Variants in HNF4A observed in about 807,000 individuals in gnomAD.
The protein encoded by HNF4A is hepatocyte nuclear factor 4 alpha, also known as hepatocyte nuclear factor 4-alpha.
Under a neutral mutation model 52.4 loss-of-function variants are expected in HNF4A, and 15 were observed. The observed-to-expected ratio is 0.29, with a 90% CI of 0.19 to 0.44. HNF4A has a LOEUF of 0.44. Among genes scored for constraint, HNF4A ranks in the 20% least tolerant of loss-of-function variants. The pLI is 1.00. For synonymous variants in HNF4A, 280 were observed against 264.4 expected (o/e 1.06, Z -0.57); for missense variants, 479 against 647.2 (o/e 0.74, Z 2.82).
At chr20:44,406,924 T>C (rs2063508616) in intron 2 of HNF4A, among the ~76,000 whole-genome samples, 1 of 152,182 alleles carries the variant, frequency 6.6e-6, no homozygotes, top group South Asian at 2.1e-4. Context: ...GAGCCAGGGT[T>C]AACATTCAGG....
chr20:44,424,665 CT>C (rs930379238), intron 8 of HNF4A: 2 of 1,291,646 alleles, frequency 1.5e-6, no homozygotes, highest in African/African-American at 3.0e-5. Context: ...AAGGAATCCT[CT>C]TTAGATAGGG....
At chr20:44,357,630 G>T (rs1600619040) in intron 1 of HNF4A, among the ~76,000 whole-genome samples, 1 of 152,062 alleles carries the variant, frequency 6.6e-6, no homozygotes, top group South Asian at 2.1e-4. Context: ...CTTCATCTCT[G>T]CTCCTGTGTC....
In HNF4A at chr20:44,406,225, TC is replaced by T; in HGVS notation, c.285del (p.Cys96AlafsTer30). The T allele has an allele frequency of 6.2e-7, 1 of 1,613,292 alleles. No homozygotes were observed. Among genetic ancestry groups the T allele is most frequent in the Non-Finnish European group, 8.5e-7 (1 of 1,179,892 alleles). On this transcript the variant is annotated frameshift_variant, in exon 2 of 10. Coordinates refer to ENST00000316099, the MANE Select transcript of HNF4A (RefSeq NM_000457.6). LOFTEE classifies it high-confidence loss of function. ...GAGCGTGCGGAAGAACCACATGTAC[TC>T]CTGCAGGTGAGGAGCCTCAATTTCT...
chr20:44,418,441 C>T lies in HNF4A; in HGVS notation c.665C>T (p.Ala222Val). 6.2e-7 allele frequency: 1 copy of T among 1,613,854 alleles called. No homozygotes were observed. The highest frequency in any genetic ancestry group is 8.5e-7 in the Non-Finnish European group (1 of 1,179,856). ...CTCTTTCAGGTGGCCCTGCTCAGAG[C>T]CCATGCTGGCGAGCACCTGCTGCTC... The change falls in exon 6 of 10, where the codon GCC becomes GTC. Residue 222 changes from alanine to valine, a missense_variant. Physicochemically the swap from Ala to Val is moderately conservative, Grantham distance 64. Transcript: ENST00000316099.
chr20:44,366,495 C>T (rs2062971578), intron 1 of HNF4A, among the ~76,000 whole-genome samples: 1 of 152,120 alleles, frequency 6.6e-6, no homozygotes, highest in Non-Finnish European at 1.5e-5. Flanking sequence ...GTGGCACGCA[C>T]CTGTAATCCC....
intron 8 of HNF4A, 88 bp from the exon 9 acceptor site, chr20:44,428,247 G>A (rs1012057398): frequency 3.6e-6 from 5 of 1,392,874 alleles, no homozygotes; most frequent in Non-Finnish European, 5.1e-6. Flanking sequence ...TGGGCTGGTT[G>A]ATTGGCCACG....
intron 1 of HNF4A, among the ~76,000 whole-genome samples, chr20:44,369,024 G>C (rs2063002208): frequency 6.6e-6 from 1 of 152,010 alleles, no homozygotes; most frequent in South Asian, 2.1e-4. Flanking sequence ...GAGGCGGGCA[G>C]ATCACAAGGT....
intron 1 of HNF4A, chr20:44,389,626 C>T (rs1219679773): frequency 1.3e-5 from 2 of 152,190 alleles, no homozygotes; most frequent in African/African-American, 4.8e-5. Flanking sequence ...TTTCGATGGA[C>T]GATTTCCATC....
intron 7 of HNF4A, among the ~76,000 whole-genome samples, chr20:44,421,754 CA>C (rs1443090044): frequency 6.9e-6 from 1 of 144,264 alleles, no homozygotes; most frequent in East Asian, 2.0e-4. Flanking sequence ...AACTTCATCT[CA>C]AAAAAATACA....
At chr20:44,363,873 T>C (rs1396415289) in intron 1 of HNF4A, among the ~76,000 whole-genome samples, 1 of 152,046 alleles carries the variant, frequency 6.6e-6, no homozygotes, top group African/African-American at 2.4e-5. Flanking sequence ...ATTTTTGTAG[T>C]CTTGGTAGAG....
At chr20:44,412,982 C>T (rs1375197448) in intron 3 of HNF4A, among the ~76,000 whole-genome samples, 2 of 152,164 alleles carry the variant, frequency 1.3e-5, no homozygotes, top group African/African-American at 4.8e-5. Flanking sequence ...AGCCTCATTC[C>T]ACAGTGAGGC....
intron 1 of HNF4A, among the ~76,000 whole-genome samples, chr20:44,367,884 T>C (rs2062986118): frequency 6.6e-6 from 1 of 151,678 alleles, no homozygotes; most frequent in Admixed American, 6.6e-5. Flanking sequence ...CTAAATAGCT[T>C]ACTCAAAACC....
chr20:44,366,141 A>G (rs2062967817), intron 1 of HNF4A, among the ~76,000 whole-genome samples: 1 of 152,244 alleles, frequency 6.6e-6, no homozygotes, highest in Admixed American at 6.5e-5. Flanking sequence ...TTTTAACAAA[A>G]GAATGAAATA....
intron 1 of HNF4A, among the ~76,000 whole-genome samples, chr20:44,356,949 G>T (rs917982930): frequency 3.9e-5 from 6 of 152,150 alleles, no homozygotes; most frequent in Non-Finnish European, 7.3e-5. Context: ...TTCTGAAGTG[G>T]AGACAGGACT....
intron 1 of HNF4A, among the ~76,000 whole-genome samples, chr20:44,380,650 T>C (rs1478710859): frequency 3.3e-5 from 5 of 152,216 alleles, no homozygotes; most frequent in South Asian, 4.1e-4. Flanking sequence ...GAGTTCTTTA[T>C]ATATTTCGGA....
At chr20:44,391,199 C>T in intron 1 of HNF4A, among the ~76,000 whole-genome samples, 1 of 152,176 alleles carries the variant, frequency 6.6e-6, no homozygotes, top group Non-Finnish European at 1.5e-5. Flanking sequence ...CCCTGCCTCT[C>T]ATCCTCCTCC....
intron 1 of HNF4A, among the ~76,000 whole-genome samples, chr20:44,403,033 G>A (rs1410012695): frequency 6.6e-6 from 1 of 152,194 alleles, no homozygotes; most frequent in Non-Finnish European, 1.5e-5. Context: ...TGAGGACCAC[G>A]CCAGGAGCGC....
chr20:44,388,019 A>G (rs1351203431), intron 1 of HNF4A, among the ~76,000 whole-genome samples: 1 of 152,112 alleles, frequency 6.6e-6, no homozygotes, highest in African/African-American at 2.4e-5. Flanking sequence ...CTTCACAAAG[A>G]TAGTATATGG....
At position 44,429,899 on chromosome 20, in the gene HNF4A, A is replaced by G; in HGVS notation, c.*234A>G. Reference sequence around the variant, plus strand: ...TGGGGAGACCTCTACTGCCTTGGACAACTTTTCTCATGTTGAAGCCACTGC... The same window carrying G: ...TGGGGAGACCTCTACTGCCTTGGACGACTTTTCTCATGTTGAAGCCACTGC... On this transcript the variant is annotated 3_prime_UTR_variant, in exon 10 of 10. Transcript: ENST00000316099. 1 of 553,892 alleles carries G rather than the reference A, an allele frequency of 1.8e-6. No individual in the cohort carries two copies. 34.3% of individuals were successfully genotyped at this position (553,892 alleles called of 1,614,324 possible).
Sources: gnomAD v4.1 joint callset for allele counts (sites outside exome capture counted in the v4.1 genomes callset) on GRCh38, gnomAD v4.1.1 for gene constraint, MANE v1.5 for transcripts, NCBI Gene and HGNC (gene_info 2026-07-23, HGNC 2026-07-21) for gene names.